The following ZNF469 variants were observed in gnomAD, a reference collection of about 807,000 sequenced individuals.
ZNF469 encodes zinc finger protein 469.
In ZNF469, 1 loss-of-function variant was observed where a neutral mutation model predicts 1.0. The observed-to-expected ratio is 1.00, with a 90% CI of 0.35 to 4.73. The LOEUF (loss-of-function observed/expected upper bound fraction) is 4.73, where lower values mean the gene tolerates loss of function less well. ZNF469 is among the 30% of genes most tolerant of loss of function. The probability of loss-of-function intolerance (pLI) is 0.16; values close to 1 mark genes in which losing one functional copy is unlikely to be tolerated. For synonymous variants in ZNF469, 2,703 were observed against 2,363.4 expected (o/e 1.14, Z -4.17); for missense variants, 6,100 against 5,356.3 (o/e 1.14, Z -4.33).
At chr16:88,426,490 G>A (rs1567508121) in intron 2 of ZNF469, among the ~76,000 whole-genome samples, 1 of 152,272 alleles carries the variant, frequency 6.6e-6, no homozygotes, top group Non-Finnish European at 1.5e-5. Context: ...CAGACATGAT[G>A]AGTGTGAAGC....
chr16:88,302,271 A>G, the ZNF469 span, among the ~76,000 whole-genome samples: 2 of 152,192 alleles, frequency 1.3e-5, no homozygotes, highest in Admixed American at 6.5e-5. Context: ...CTTATGAAAC[A>G]ATTCCACACA....
Position 88,396,198 on chromosome 16 carries a change from G to C in ZNF469, c.-192+12944G>C, listed in dbSNP as rs1290710214. 4.6e-5 allele frequency among the ~76,000 whole-genome samples: 7 copies of C among 152,394 alleles called. No homozygotes were observed. In the South Asian group the frequency reaches 8.3e-4, roughly 18 times the overall value. On this transcript the variant is annotated intron_variant, in intron 1 of 2. Transcript: ENST00000565624. Reference sequence around the variant, plus strand: ...AACACAATAGAGAATTTCTTGGCTTGTGATACTGAAAGGTCCATGGAATGA... The same window carrying C: ...AACACAATAGAGAATTTCTTGGCTTCTGATACTGAAAGGTCCATGGAATGA...
the ZNF469 span, among the ~76,000 whole-genome samples, chr16:88,296,833 C>G: frequency 0.021 from 3,260 of 152,278 alleles, 111 homozygotes; most frequent in African/African-American, 0.075. Flanking sequence ...ATACCACGCA[C>G]ACACTCACGC....
In ZNF469 at chr16:88,431,977, C is replaced by G. The variant is rs139043003; in HGVS notation, c.4507C>G (p.Leu1503Val). The G allele has an allele frequency of 2.2e-4, 341 of 1,549,646 alleles. 4 individuals carry two copies. In the East Asian group the frequency reaches 8.0e-3, roughly 36 times the overall value. ...PSDPPYPSFL[L>V]LEEVSPMLPS... is the part of the protein sequence containing the mutation. ...AGATCCACCGTACCCCTCTTTTTTG[C>G]TGCTTGAGGAAGTATCCCCGATGCT... Residue 1503 changes from leucine to valine, a missense_variant, in exon 3 of 3, where the codon CTG (leucine) becomes GTG (valine). By Grantham distance (32) the Leu-to-Val change is conservative. Transcript: ENST00000565624.
chr16:88,239,688 TATATATATATATATATATATATA>T, the ZNF469 span, among the ~76,000 whole-genome samples: 1 of 5,216 alleles, frequency 1.9e-4, no homozygotes, highest in African/African-American at 8.7e-4. Context: ...TATATATATA[TATATATATATATATATATATATA>T]TATATTTTTT....
the ZNF469 span, among the ~76,000 whole-genome samples, chr16:88,358,237 C>T: frequency 6.6e-6 from 1 of 152,226 alleles, no homozygotes; most frequent in Non-Finnish European, 1.5e-5. Context: ...GCTCGGACCC[C>T]CAGCGCCCAG....
chr16:88,375,549 C>T, the ZNF469 span, among the ~76,000 whole-genome samples: 4 of 152,380 alleles, frequency 2.6e-5, no homozygotes, highest in South Asian at 8.3e-4. Flanking sequence ...CACAGCATGG[C>T]CCCTGGTACA....
At chr16:88,117,573 C>CGGACTGTGGAGGTGCCACGTGCCTTCGG in the ZNF469 span, among the ~76,000 whole-genome samples, 1 of 22,200 alleles carries the variant, frequency 4.5e-5, no homozygotes, top group Non-Finnish European at 9.1e-5. Context: ...CGTGCCTTCA[C>CGGACTGTGGAGGTGCCACGTGCCTTCGG]GGACCGTGGA....
chr16:88,176,865 C>T, the ZNF469 span, among the ~76,000 whole-genome samples: 3 of 152,242 alleles, frequency 2.0e-5, no homozygotes, highest in East Asian at 5.8e-4. Flanking sequence ...ACAGATGCAG[C>T]ACGGAACACG....
In ZNF469 at chr16:88,432,032, G is replaced by A. The variant is rs1356415415; in HGVS notation, c.4562G>A (p.Gly1521Glu). 4.5e-6 allele frequency: 7 copies of A among 1,550,470 alleles called. No homozygotes were observed. The highest frequency in any genetic ancestry group is 6.1e-6 in the Non-Finnish European group (7 of 1,146,976). The stretch of plus-strand genomic sequence containing the variant: ...AGCCATTTTCCTGATCTCTCGGGGG[G>A]AAAGGTGCTCAGTAAGACGTGTCCC... ...LPSHFPDLSG[G>E]KVLSKTCPPE... Residue 1521 changes from glycine (G) to glutamate (E), a missense_variant, in exon 3 of 3, where the codon GGA becomes GAA. Physicochemically the swap from Gly to Glu is moderately conservative, Grantham distance 98. Coordinates refer to ENST00000565624, the MANE Select transcript of ZNF469 (RefSeq NM_001367624.2).
the ZNF469 span, among the ~76,000 whole-genome samples, chr16:88,274,662 C>G: frequency 6.6e-6 from 1 of 152,206 alleles, no homozygotes. Flanking sequence ...TGCTTGCTTG[C>G]TCATTTTTCT....
chr16:88,388,016 C>T (rs1904383077), intron 1 of ZNF469, among the ~76,000 whole-genome samples: 1 of 152,272 alleles, frequency 6.6e-6, no homozygotes, highest in African/African-American at 2.4e-5. Flanking sequence ...CGGCTCCCAG[C>T]CTCGGTTTGC....
chr16:88,403,598 G>A (rs1243091209), intron 1 of ZNF469, among the ~76,000 whole-genome samples: 2 of 152,234 alleles, frequency 1.3e-5, no homozygotes, highest in Non-Finnish European at 2.9e-5. Flanking sequence ...GGTGGGCGAG[G>A]GTGGCAGAGC....
At chr16:88,147,357 A>G in the ZNF469 span, among the ~76,000 whole-genome samples, 1 of 152,006 alleles carries the variant, frequency 6.6e-6, no homozygotes, top group Non-Finnish European at 1.5e-5. Flanking sequence ...CTTCAGCGCC[A>G]AAGTCAGTCC....
In ZNF469 at chr16:88,430,217, G is replaced by A. The variant is rs968373952; in HGVS notation, c.2747G>A (p.Arg916Lys). The A allele has an allele frequency of 1.3e-6, 2 of 1,541,438 alleles. No individual in the cohort carries two copies. The highest frequency in any genetic ancestry group is 1.4e-5 in the African/African-American group (1 of 72,932). Residue 916 changes from arginine (R) to lysine (K), a missense_variant, in exon 3 of 3, where the codon AGG (arginine) becomes AAG (lysine). Transcript: ENST00000565624. Reference sequence around the variant, plus strand: ...CCCCAAACCCCCCGCCCTGGGGACAGGGGCTGCCCAGCCCGAGGCAGGCCC... The same window carrying A: ...CCCCAAACCCCCCGCCCTGGGGACAAGGGCTGCCCAGCCCGAGGCAGGCCC... Reference protein sequence around the residue: ...PDPQTPRPGDRGCPARGRPKT... With the variant: ...PDPQTPRPGDKGCPARGRPKT...
In ZNF469 at chr16:88,431,558, C is replaced by G. The variant is rs953923193; in HGVS notation, c.4088C>G (p.Pro1363Arg). ...GACCCTGCTGGTTTTAACAGAGACCCCTTGGGGGTTCCAGTTGCCAAAAAG... is the reference window on the plus strand; with the variant it reads ...GACCCTGCTGGTTTTAACAGAGACCGCTTGGGGGTTCCAGTTGCCAAAAAG... ...GCDPAGFNRD[P>R]LGVPVAKKGP... The change falls in exon 3 of 3, where the codon CCC becomes CGC. Residue 1363 changes from proline (P) to arginine (R), a missense_variant. By Grantham distance (103) the Pro-to-Arg change is moderately radical (BLOSUM62 -2). Transcript: ENST00000565624. 42 of 1,550,334 alleles carry G rather than the reference C, an allele frequency of 2.7e-5. No homozygotes were observed. In the East Asian group the frequency reaches 1.0e-3, roughly 38 times the overall value.
chr16:88,208,193 T>G, the ZNF469 span, among the ~76,000 whole-genome samples: 1 of 151,974 alleles, frequency 6.6e-6, no homozygotes, highest in Non-Finnish European at 1.5e-5. Context: ...GGGAGCCCCT[T>G]CAAGCCAATT....
chr16:88,109,825 C>T, the ZNF469 span, among the ~76,000 whole-genome samples: 1 of 152,216 alleles, frequency 6.6e-6, no homozygotes, highest in African/African-American at 2.4e-5. Context: ...TCAGGAGGTG[C>T]TGAGCGTCTG....
chr16:88,187,258 C>T, the ZNF469 span, among the ~76,000 whole-genome samples: 17 of 152,204 alleles, frequency 1.1e-4, no homozygotes, highest in African/African-American at 3.6e-4. Context: ...CCAAGCTAGG[C>T]CTCCCAGGTC....
Sources: allele counts gnomAD v4.1 joint callset (sites outside exome capture counted in the v4.1 genomes callset), GRCh38; gene constraint gnomAD v4.1.1; transcripts MANE v1.5; gene names NCBI Gene and HGNC (gene_info 2026-07-23, HGNC 2026-07-21).